Variants in RPS13 observed in about 807,000 individuals in gnomAD.
RPS13 encodes ribosomal protein S13.
Under a neutral mutation model 24.6 loss-of-function variants are expected in RPS13, and 1 was observed. The ratio of observed to expected loss-of-function variants is 0.04; its 90% CI spans 0.01 to 0.19. The LOEUF (loss-of-function observed/expected upper bound fraction) is 0.19, where lower values mean the gene tolerates loss of function less well. RPS13 is among the 10% of genes least tolerant of loss of function. The pLI is 1.00. For missense variants in RPS13, 88 were observed against 187.4 expected (o/e 0.47, Z 3.10); for synonymous variants, 69 against 65.3 (o/e 1.06, Z -0.27).
chr11:17,074,550 G>A (rs1353735567), intron 5 of RPS13, 84 bp from the exon 6 acceptor site: 10 of 1,036,634 alleles, frequency 9.6e-6, no homozygotes, highest in Non-Finnish European at 1.5e-5. Flanking sequence ...CCCCACTAAT[G>A]GTGCTATTCT....
chr11:17,077,572 T>TGGGGGGGGGGGGGGG, intron 1 of RPS13, 47 bp downstream of exon 1: 1 of 1,592,324 alleles, frequency 6.3e-7, no homozygotes, highest in Non-Finnish European at 8.6e-7. Flanking sequence ...CTCCCTGTCT[T>TGGGGGGGGGGGGGGG]CCTCCCACCC....
At chr11:17,074,544 A>G (rs950674864) in intron 5 of RPS13, 78 bp from the exon 6 acceptor site, 12 of 1,082,106 alleles carry the variant, frequency 1.1e-5, no homozygotes, top group Non-Finnish European at 1.6e-5. Flanking sequence ...GAATCTCCCC[A>G]CTAATGGTGC....
chr11:17,074,699 T>C, intron 5 of RPS13: 1 of 697,022 alleles, frequency 1.4e-6, no homozygotes, highest in Non-Finnish European at 2.6e-6. Flanking sequence ...AGGAAAAACA[T>C]TTCTGGTGGA....
At position 17,075,202 on chromosome 11, in the gene RPS13, A is replaced by C; in HGVS notation, c.322-5T>G. 3 of 1,584,372 alleles carry C rather than the reference A, an allele frequency of 1.9e-6. 1 individual carries two copies. The South Asian group carries it at 3.5e-5, about 18-fold the overall frequency. ...ACGGAATTTAGCATCCTTATCCTAA[A>C]AATAAAATTTGGTGCAATTCAAGAA... is the stretch of plus-strand genomic sequence containing the variant. On this transcript the variant is annotated splice_polypyrimidine_tract_variant and splice_region_variant and intron_variant, in intron 4 of 5. Coordinates refer to ENST00000525634, the MANE Select transcript of RPS13 (RefSeq NM_001017.3).
chr11:17,076,809 G>A (rs1462744296), intron 3 of RPS13: 2 of 366,834 alleles, frequency 5.5e-6, no homozygotes, highest in Admixed American at 4.1e-5. Flanking sequence ...CTTGCACGAA[G>A]TCACACGCAG....
intron 5 of RPS13, chr11:17,074,890 G>A: frequency 1.7e-6 from 1 of 605,616 alleles, no homozygotes; most frequent in South Asian, 2.0e-5. Context: ...CTTTATTAAA[G>A]ACAAGCAGCC....
intron 5 of RPS13, 136 bp from the exon 6 acceptor site, chr11:17,074,602 T>C (rs1847996846): frequency 7.9e-6 from 6 of 757,926 alleles, no homozygotes; most frequent in African/African-American, 1.7e-5. Context: ...TGCACCAAAC[T>C]TCTGAATACC....
chr11:17,075,834 A>C, intron 3 of RPS13: 3 of 663,012 alleles, frequency 4.5e-6, no homozygotes, highest in Non-Finnish European at 8.3e-6. Context: ...TTTCTGGTGG[A>C]AACTGCGAAT....
chr11:17,074,704 G>C (rs915491661), intron 5 of RPS13: 1 of 693,056 alleles, frequency 1.4e-6, no homozygotes, highest in African/African-American at 1.8e-5. Context: ...AAACATTTCT[G>C]GTGGAAACTG....
intron 3 of RPS13, 76 bp downstream of exon 3, chr11:17,077,092 T>A (rs1358451699): frequency 6.1e-6 from 7 of 1,143,138 alleles, no homozygotes; most frequent in Non-Finnish European, 7.9e-6. Flanking sequence ...ATTTTTAAAA[T>A]AACTTTACCA....
At chr11:17,077,572 TCCTCCCACCCCCCGCCCAGCAATCC>T in intron 1 of RPS13, 22 bp downstream of exon 1, 1 of 1,592,322 alleles carries the variant, frequency 6.3e-7, no homozygotes, top group Non-Finnish European at 8.6e-7. Flanking sequence ...CTCCCTGTCT[TCCTCCCACCCCCCGCCCAGCAATCC>T]GGCTTGATGC....
intron 5 of RPS13, chr11:17,074,690 G>A (rs746431777): frequency 1.4e-6 from 1 of 700,648 alleles, no homozygotes; most frequent in Non-Finnish European, 2.6e-6. Context: ...GCCAACATAA[G>A]GAAAAACATT....
At chr11:17,074,502 G>A (rs772949198) in intron 5 of RPS13, 36 bp from the exon 6 acceptor site, 3 of 1,504,744 alleles carry the variant, frequency 2.0e-6, no homozygotes, top group Admixed American at 1.7e-5. Context: ...AGAAAATCAG[G>A]ATTAATACTA....
At chr11:17,075,858 C>T in intron 3 of RPS13, 1 of 633,548 alleles carries the variant, frequency 1.6e-6, no homozygotes, top group Non-Finnish European at 2.9e-6. Context: ...GGAAAACCAT[C>T]ATCACAGTGA....
chr11:17,075,296 T>C, intron 4 of RPS13, 99 bp from the exon 5 acceptor site: 2 of 1,015,748 alleles, frequency 2.0e-6, no homozygotes, highest in Middle Eastern at 2.1e-4. Flanking sequence ...GCACTTTCTA[T>C]AATGAAAATC....
intron 3 of RPS13, 39 bp downstream of exon 3, chr11:17,077,129 G>A (rs752413864): frequency 2.1e-6 from 3 of 1,462,358 alleles, no homozygotes. Context: ...AGTCACACGA[G>A]GACAGGCGAA....
chr11:17,075,446 T>G lies in RPS13; in HGVS notation c.321+8A>C. On this transcript the variant is annotated splice_region_variant and intron_variant, in intron 4 of 5. Transcript: ENST00000525634. ...CTACTTAGCACCAGGTTTTATTTAT[T>G]AGCTTACCTTTCTGTTCCTCTCAAG... is the stretch of plus-strand genomic sequence containing the variant. 1 of 1,545,426 alleles carries G rather than the reference T, an allele frequency of 6.5e-7. No individual in the cohort carries two copies. The highest frequency in any genetic ancestry group is 1.4e-5 in the African/African-American group (1 of 72,162).
At chr11:17,076,806 G>T (rs1013610718) in intron 3 of RPS13, 5 of 356,480 alleles carry the variant, frequency 1.4e-5, no homozygotes, top group East Asian at 1.2e-4. Flanking sequence ...CCACTTGCAC[G>T]AAGTCACACG....
In RPS13 at chr11:17,077,444, T is replaced by C. The variant is rs113610512; in HGVS notation, c.57A>G (p.Arg19=). ...KGLSQSALPY[R]RSVPTWLKLT... ...CGCTACTTACAGTGGGGACGCTGCGTCGATAGGGTAAAGCCGACTGGGACA... is the reference window on the plus strand; with the variant it reads ...CGCTACTTACAGTGGGGACGCTGCGCCGATAGGGTAAAGCCGACTGGGACA... The change falls in exon 2 of 6, where the codon CGA becomes CGG. Residue 19 remains arginine, a synonymous_variant. Transcript: ENST00000525634. The C allele has an allele frequency of 9.9e-6, 16 of 1,610,724 alleles. No individual in the cohort carries two copies. In the Admixed American group the frequency reaches 1.0e-4, roughly 10 times the overall value.
Sources: gnomAD v4.1 joint callset for allele counts on GRCh38, gnomAD v4.1.1 for gene constraint, MANE v1.5 for transcripts, NCBI Gene and HGNC (gene_info 2026-07-23, HGNC 2026-07-21) for gene names.